The following ADK variants were observed in gnomAD, a reference collection of about 807,000 sequenced individuals.
ADK encodes N6,N6-dimethyladenosine kinase.
Under a neutral mutation model 44.7 loss-of-function variants are expected in ADK, and 24 were observed. The observed-to-expected ratio is 0.54, with a 90% CI of 0.39 to 0.76. The LOEUF is 0.76. ADK is among the 30% of genes least tolerant of loss of function. The probability of loss-of-function intolerance (pLI) is 0.00; values close to 1 mark genes in which losing one functional copy is unlikely to be tolerated. For missense variants in ADK, 321 were observed against 425.1 expected, an observed-to-expected ratio of 0.76 and a Z score of 2.15; for synonymous variants, 128 against 142.6, an observed-to-expected ratio of 0.90 and a Z score of 0.73.
intron 7 of ADK, among the ~76,000 whole-genome samples, chr10:74,581,899 C>G (rs908146182): frequency 1.3e-5 from 2 of 152,108 alleles, no homozygotes; most frequent in Non-Finnish European, 2.9e-5. Context: ...AGCAGGAGAC[C>G]ATTCAGAAAG....
At chr10:74,573,506 G>A (rs1007167509) in intron 7 of ADK, among the ~76,000 whole-genome samples, 10 of 152,204 alleles carry the variant, frequency 6.6e-5, no homozygotes, top group Admixed American at 3.3e-4. Context: ...CTCCATCTGC[G>A]TGCTGGGAGA....
At chr10:74,550,262 G>A (rs1401654849) in intron 7 of ADK, among the ~76,000 whole-genome samples, 1 of 151,870 alleles carries the variant, frequency 6.6e-6, no homozygotes, top group Non-Finnish European at 1.5e-5. Context: ...GTAGAGACAG[G>A]GTTTCACTGT....
intron 4 of ADK, among the ~76,000 whole-genome samples, chr10:74,318,814 T>C: frequency 6.6e-6 from 1 of 152,362 alleles, no homozygotes; most frequent in East Asian, 1.9e-4. Flanking sequence ...GATATTTTTA[T>C]AGAACTATAA....
chr10:74,589,274 T>A lies in ADK; in HGVS notation c.727-8T>A, dbSNP rs1851636584. 8 of 1,612,410 alleles carry A rather than the reference T, an allele frequency of 5.0e-6. No homozygotes were observed. Among genetic ancestry groups the A allele is most frequent in the Middle Eastern group, 1.7e-4 (1 of 6,018 alleles). On this transcript the variant is annotated splice_polypyrimidine_tract_variant and splice_region_variant and intron_variant, in intron 7 of 10. Coordinates refer to ENST00000539909, the MANE Select transcript of ADK (RefSeq NM_006721.4). ...ATAATTAACTGTTCTTTTTTTTTTT[T>A]ATTTCAGGAAGCTGCCACTTTTGCT...
At chr10:74,666,131 A>G (rs1265495373) in intron 9 of ADK, among the ~76,000 whole-genome samples, 1 of 152,206 alleles carries the variant, frequency 6.6e-6, no homozygotes, top group Non-Finnish European at 1.5e-5. Context: ...ACCATCTCTA[A>G]TATAATTGAC....
chr10:74,664,190 T>C (rs986953340), intron 9 of ADK, among the ~76,000 whole-genome samples: 2 of 152,188 alleles, frequency 1.3e-5, no homozygotes, highest in Admixed American at 1.3e-4. Flanking sequence ...TAGTGGACTA[T>C]TATGCAGCAA....
At chr10:74,308,050 C>A (rs992741599) in intron 3 of ADK, among the ~76,000 whole-genome samples, 3 of 152,140 alleles carry the variant, frequency 2.0e-5, no homozygotes, top group African/African-American at 7.2e-5. Context: ...TGTGTTCTTA[C>A]AATGGGTAGA....
chr10:74,609,599 C>T (rs1329855615), intron 9 of ADK, among the ~76,000 whole-genome samples: 1 of 152,086 alleles, frequency 6.6e-6, no homozygotes, highest in African/African-American at 2.4e-5. Context: ...TGAGATGAGC[C>T]AGGACTCTCA....
chr10:74,430,927 G>A (rs1844965125), intron 6 of ADK, among the ~76,000 whole-genome samples: 1 of 152,102 alleles, frequency 6.6e-6, no homozygotes, highest in South Asian at 2.1e-4. Context: ...ATAAGATGTG[G>A]CTGCTATATA....
intron 7 of ADK, among the ~76,000 whole-genome samples, chr10:74,558,382 G>T (rs570986393): frequency 5.9e-5 from 9 of 152,128 alleles, no homozygotes; most frequent in Non-Finnish European, 1.3e-4. Context: ...CTATCTGGTG[G>T]GTATGCTGGC....
chr10:74,355,283 A>G lies in ADK; in HGVS notation c.274-38858A>G, dbSNP rs1842096528. On this transcript the variant is annotated intron_variant, in intron 4 of 10. Coordinates refer to ENST00000539909, the MANE Select transcript of ADK (RefSeq NM_006721.4). ...AGATACTTGCTTCCTAATCAAGATT[A>G]CTTGGAATTGTTAAGAGAGTATGTA... Among the ~76,000 whole-genome samples, 3 of 152,230 alleles carry G rather than the reference A, an allele frequency of 2.0e-5. No individual in the cohort carries two copies. In the South Asian group the frequency reaches 6.2e-4, roughly 31 times the overall value.
chr10:74,673,196 A>G (rs1026361490), intron 10 of ADK, among the ~76,000 whole-genome samples: 3 of 152,200 alleles, frequency 2.0e-5, no homozygotes, highest in Admixed American at 2.0e-4. Flanking sequence ...GAATCCAAGA[A>G]CTGTAGTCCC....
At chr10:74,560,348 G>C (rs1337693841) in intron 7 of ADK, among the ~76,000 whole-genome samples, 3 of 152,156 alleles carry the variant, frequency 2.0e-5, no homozygotes, top group Non-Finnish European at 4.4e-5. Context: ...CAGATGATGT[G>C]TTTCATATGG....
In ADK at chr10:74,602,144, G is replaced by A. The variant is rs370724822; in HGVS notation, c.877+1651G>A. Among the ~76,000 whole-genome samples the A allele has an allele frequency of 2.4e-4, 35 of 147,674 alleles. 1 individual carries two copies. In the East Asian group the frequency reaches 2.6e-3, roughly 11 times the overall value. On this transcript the variant is annotated intron_variant, in intron 9 of 10. Coordinates refer to ENST00000539909, the MANE Select transcript of ADK (RefSeq NM_006721.4). ...AAAAAAAAAAAGAACGGAGGGCAAT[G>A]GAGTCAAAGAGGATCAAGTAAGCAA...
chr10:74,642,113 CTGTT>C (rs1004943530), intron 9 of ADK, among the ~76,000 whole-genome samples: 1 of 152,148 alleles, frequency 6.6e-6, no homozygotes, highest in African/African-American at 2.4e-5. Context: ...CAGCTGACTT[CTGTT>C]AACCAGATAT....
intron 8 of ADK, among the ~76,000 whole-genome samples, chr10:74,590,254 A>G (rs1851670295): frequency 6.6e-6 from 1 of 152,202 alleles, no homozygotes; most frequent in Non-Finnish European, 1.5e-5. Flanking sequence ...CACAGCCGAA[A>G]TGTAGGAACT....
At chr10:74,217,422 G>A (rs973220555) in intron 2 of ADK, among the ~76,000 whole-genome samples, 11 of 152,234 alleles carry the variant, frequency 7.2e-5, no homozygotes, top group African/African-American at 2.7e-4. Context: ...TGCCTCTGTA[G>A]GTTGCACCTC....
chr10:74,387,747 T>C (rs1029995814), intron 4 of ADK, among the ~76,000 whole-genome samples: 6 of 152,232 alleles, frequency 3.9e-5, no homozygotes, highest in African/African-American at 1.4e-4. Flanking sequence ...TTACCAATAG[T>C]GGCCGTGGTT....
intron 4 of ADK, among the ~76,000 whole-genome samples, chr10:74,317,068 A>G (rs1240246699): frequency 6.6e-6 from 1 of 152,230 alleles, no homozygotes; most frequent in Non-Finnish European, 1.5e-5. Flanking sequence ...TTATGTCAAC[A>G]AGAAAATGTC....
Sources: allele counts gnomAD v4.1 joint callset (sites outside exome capture counted in the v4.1 genomes callset), GRCh38; gene constraint gnomAD v4.1.1; transcripts MANE v1.5; gene names NCBI Gene and HGNC (gene_info 2026-07-23, HGNC 2026-07-21).